Variants in POU2F2 observed in about 807,000 individuals in gnomAD.
POU2F2 encodes the protein POU domain, class 2, transcription factor 2.
A neutral mutation model predicts 63.5 loss-of-function variants in POU2F2; 14 were observed. That is an observed-to-expected ratio of 0.22 (90% CI 0.15 to 0.34). The LOEUF is 0.34. Among genes scored for constraint, POU2F2 ranks in the 10% least tolerant of loss-of-function variants. The probability of loss-of-function intolerance (pLI) is 1.00; values close to 1 mark genes in which losing one functional copy is unlikely to be tolerated. For synonymous variants in POU2F2, 306 were observed against 348.6 expected, an observed-to-expected ratio of 0.88 and a Z score of 1.36; for missense variants, 607 against 815.2, an observed-to-expected ratio of 0.74 and a Z score of 3.11.
rs763129745 is a variant in POU2F2 at position 42,099,856 on chromosome 19, G to A, written c.370-35C>T. The A allele has an allele frequency of 3.9e-5, 59 of 1,523,106 alleles. 1 individual carries two copies. Among genetic ancestry groups the A allele is most frequent in the Non-Finnish European group, 4.7e-5 (53 of 1,123,462 alleles). 94.3% of individuals were successfully genotyped at this position (1,523,106 alleles called of 1,614,324 possible). A position where few individuals can be genotyped will look rare whatever the true frequency, so the allele number is the denominator to read the frequency against. On this transcript the variant is annotated intron_variant, in intron 5 of 14. Transcript: ENST00000692977. ...AGTGGGGTGGACAGAAAGATAGCCTGAGTCCTGGCTGGGTTTCATCCTCTC... is the reference window on the plus strand; with the variant it reads ...AGTGGGGTGGACAGAAAGATAGCCTAAGTCCTGGCTGGGTTTCATCCTCTC...
chr19:42,177,048 G>GAGGGAGGA (rs1206366520), upstream of POU2F2: 1 of 151,712 alleles, frequency 6.6e-6, no homozygotes, highest in Non-Finnish European at 1.5e-5. Context: ...TGCGAGGGGA[G>GAGGGAGGA]AGGGAGGAAG....
At chr19:42,122,284 C>A in intron 3 of POU2F2, 60 bp downstream of exon 3, 1 of 1,558,718 alleles carries the variant, frequency 6.4e-7, no homozygotes, top group South Asian at 1.2e-5. Context: ...CACAGAGCCC[C>A]CTCTGAACCC....
Position 42,088,868 on chromosome 19 carries a change from C to T in POU2F2, c.*2389G>A, listed in dbSNP as rs1022628668. Reference sequence around the variant, plus strand: ...GGCGGCTACTTCACCACTGCCCGGACAAGGCACCCAGAGGCCCCTGCAATG... The same window carrying T: ...GGCGGCTACTTCACCACTGCCCGGATAAGGCACCCAGAGGCCCCTGCAATG... On this transcript the variant is annotated 3_prime_UTR_variant, in exon 15 of 15. Coordinates refer to ENST00000692977, the MANE Select transcript of POU2F2 (RefSeq NM_001394376.1). 6 of 152,656 alleles carry T rather than the reference C, an allele frequency of 3.9e-5. No individual in the cohort carries two copies. Among genetic ancestry groups the T allele is most frequent in the African/African-American group, 7.2e-5 (3 of 41,444 alleles). The allele number at this position is 152,656 out of a possible 1,614,324, so 9.5% of individuals were successfully genotyped here.
chr19:42,096,063 C>T lies in POU2F2; in HGVS notation c.729+19G>A. On this transcript the variant is annotated intron_variant, in intron 8 of 14. Coordinates refer to ENST00000692977, the MANE Select transcript of POU2F2 (RefSeq NM_001394376.1). The surrounding 1 kb of genome is among the most constrained non-coding windows in gnomAD (Gnocchi z 4.1). ...CACGCCCCCACGCCCACCGCCCAGC[C>T]TGCAAGGTGCCTCCAGACCTGCGTG... The T allele has an allele frequency of 6.2e-7, 1 of 1,612,788 alleles. No homozygotes were observed. The highest frequency in any genetic ancestry group is 8.5e-7 in the Non-Finnish European group (1 of 1,179,374).
chr19:42,154,850 CCT>C (rs1207746783), intron 2 of POU2F2, among the ~76,000 whole-genome samples: 1 of 152,146 alleles, frequency 6.6e-6, no homozygotes, highest in African/African-American at 2.4e-5. Flanking sequence ...CCTCTGGGCC[CCT>C]GTGAGCCACG....
rs1458006235 is a variant in POU2F2, at chr19:42,096,498, T to TC, written c.568-256dup. 6.6e-6 allele frequency among the ~76,000 whole-genome samples: 1 copy of TC among 152,218 alleles called. No individual in the cohort carries two copies. The highest frequency in any genetic ancestry group is 1.5e-5 in the Non-Finnish European group (1 of 68,026). ...GCCTGGGACTCTCTGCACTGTCCCT[T>TC]CACGCCTGCGAACTCCCAGAAGGAG... is the stretch of plus-strand genomic sequence containing the variant. On this transcript the variant is annotated intron_variant, in intron 7 of 14. Transcript: ENST00000692977. This position sits in a 1 kb window ranked among gnomAD's most constrained non-coding sequence, Gnocchi z 4.1.
At chr19:42,106,028 TTTCTTTCTTTCTTTCTTTCTTTC>T in intron 5 of POU2F2, among the ~76,000 whole-genome samples, 2 of 148,210 alleles carry the variant, frequency 1.3e-5, no homozygotes, top group African/African-American at 2.6e-5. Context: ...TCTTTCTTTC[TTTCTTTCTTTCTTTCTTTCTTTC>T]TTCTTTCTTT....
upstream of POU2F2, among the ~76,000 whole-genome samples, chr19:42,179,742 C>A (rs1019606941): frequency 6.6e-6 from 1 of 152,068 alleles, no homozygotes; most frequent in Non-Finnish European, 1.5e-5. Flanking sequence ...ACTGGAAGTG[C>A]GTAACATAAA....
At chr19:42,191,208 C>A (rs1463836240) in intron 1 of POU2F2, among the ~76,000 whole-genome samples, 1 of 152,166 alleles carries the variant, frequency 6.6e-6, no homozygotes, top group Non-Finnish European at 1.5e-5. Flanking sequence ...TCGGACCCCC[C>A]CTTGCTCTCT....
chr19:42,168,262 G>A (rs2146797249), intron 1 of POU2F2, among the ~76,000 whole-genome samples: 1 of 152,272 alleles, frequency 6.6e-6, no homozygotes, highest in East Asian at 1.9e-4. Flanking sequence ...CCCCACACGA[G>A]GCTCAGAGAG....
rs1025539959 is a variant in POU2F2 at position 42,096,770 on chromosome 19, C to T, written c.568-527G>A. On this transcript the variant is annotated intron_variant, in intron 7 of 14. Coordinates refer to ENST00000692977, the MANE Select transcript of POU2F2 (RefSeq NM_001394376.1). This position sits in a 1 kb window ranked among gnomAD's most constrained non-coding sequence, Gnocchi z 4.1. ...GACTGTACAATGCCAAGAGTGAACCCTAATGTCAGCTATGAACTTTGGGTA... is the reference window on the plus strand; with the variant it reads ...GACTGTACAATGCCAAGAGTGAACCTTAATGTCAGCTATGAACTTTGGGTA... Among the ~76,000 whole-genome samples, 1 of 152,152 alleles carries T rather than the reference C, an allele frequency of 6.6e-6. No individual in the cohort carries two copies.
intron 1 of POU2F2, among the ~76,000 whole-genome samples, chr19:42,193,166 C>A (rs1266019776): frequency 2.9e-5 from 4 of 139,782 alleles, no homozygotes; most frequent in Non-Finnish European, 6.1e-5. Flanking sequence ...TGCAGTGAGC[C>A]AAGATCGGGC....
At chr19:42,160,545 C>T (rs1362709254) in intron 1 of POU2F2, among the ~76,000 whole-genome samples, 1 of 152,218 alleles carries the variant, frequency 6.6e-6, no homozygotes, top group Non-Finnish European at 1.5e-5. Flanking sequence ...AACTCAGGTC[C>T]AGTCAGCCAC....
intron 4 of POU2F2, among the ~76,000 whole-genome samples, chr19:42,118,741 A>G (rs538524138): frequency 7.9e-5 from 12 of 152,338 alleles, no homozygotes; most frequent in African/African-American, 2.9e-4. Context: ...GTGGTGGGAG[A>G]AGGCATGGCC....
At chr19:42,168,970 G>A (rs893587706) in intron 1 of POU2F2, among the ~76,000 whole-genome samples, 17 of 152,208 alleles carry the variant, frequency 1.1e-4, no homozygotes, top group African/African-American at 3.9e-4. Flanking sequence ...ATCAGTGCCA[G>A]TCCTGTTGGC....
In POU2F2 at chr19:42,169,304, C is replaced by T. The variant is rs754676328; in HGVS notation, c.-70+6659G>A. Among the ~76,000 whole-genome samples the T allele has an allele frequency of 2.6e-5, 4 of 152,188 alleles. No homozygotes were observed. The highest frequency in any genetic ancestry group is 4.4e-5 in the Non-Finnish European group (3 of 68,030). The stretch of plus-strand genomic sequence containing the variant: ...GCTGCCATGTTTTAGTATTTCTATT[C>T]GTACATTTTCTATTGAAAAACAAAT... On this transcript the variant is annotated intron_variant, in intron 1 of 6. Coordinates refer to the POU2F2 transcript ENST00000524801. This position sits in a 1 kb window ranked among gnomAD's most constrained non-coding sequence, Gnocchi z 4.3.
Position 42,156,625 on chromosome 19 carries a change from C to T in POU2F2, c.-9+3707G>A, listed in dbSNP as rs2034461112. ...CACCCTATTCCACTAGCCAAAGCCC[C>T]CAGGGGTGTAATTCAGAAGGAGGCA... On this transcript the variant is annotated intron_variant, in intron 2 of 6. Transcript: ENST00000524801. This position sits in a 1 kb window ranked among gnomAD's most constrained non-coding sequence, Gnocchi z 4.1. The T allele has an allele frequency of 6.6e-6, 1 of 152,380 alleles. No homozygotes were observed. The highest frequency in any genetic ancestry group is 1.5e-5 in the Non-Finnish European group (1 of 68,080). 9.4% of individuals were successfully genotyped at this position (152,380 alleles called of 1,614,324 possible). A position where few individuals can be genotyped will look rare whatever the true frequency, so the allele number is the denominator to read the frequency against.
intron 1 of POU2F2, among the ~76,000 whole-genome samples, chr19:42,187,800 A>G (rs889143815): frequency 6.6e-6 from 1 of 151,124 alleles, no homozygotes; most frequent in African/African-American, 2.4e-5. Context: ...AGAGAAATGA[A>G]GTCCCTAAAT....
chr19:42,087,285 C>T lies in POU2F2; in HGVS notation c.*3972G>A, dbSNP rs1308861288. The T allele has an allele frequency of 6.6e-6, 1 of 152,040 alleles. No individual in the cohort carries two copies. The highest frequency in any genetic ancestry group is 2.4e-5 in the African/African-American group (1 of 41,358). 9.4% of individuals were successfully genotyped at this position (152,040 alleles called of 1,614,324 possible). On this transcript the variant is annotated 3_prime_UTR_variant, in exon 15 of 15. Coordinates refer to ENST00000692977, the MANE Select transcript of POU2F2 (RefSeq NM_001394376.1). ...GCTGTCTGTCTCACTCTCTCTCTCA[C>T]TCAGGTCCCCCTACCCTGGGCTAGA...
Sources: gnomAD v4.1 joint callset for allele counts (sites outside exome capture counted in the v4.1 genomes callset) on GRCh38, gnomAD v4.1.1 for gene constraint, Gnocchi (gnomAD v3.1) non-coding constraint, MANE v1.5 for transcripts, NCBI Gene and HGNC (gene_info 2026-07-23, HGNC 2026-07-21) for gene names.